SLCO2A1: variants seen among roughly 807,000 people sequenced by gnomAD.
SLCO2A1 encodes solute carrier organic anion transporter family member 2A1, also known as matrin F/G 1.
A neutral mutation model predicts 71.7 loss-of-function variants in SLCO2A1; 60 were observed. The ratio of observed to expected loss-of-function variants is 0.84; its 90% CI spans 0.68 to 1.04. The LOEUF (loss-of-function observed/expected upper bound fraction) is 1.04, where lower values mean the gene tolerates loss of function less well. SLCO2A1 is among the 50% of genes least tolerant of loss of function. SLCO2A1 has a pLI of 0.00. For synonymous variants in SLCO2A1, 308 were observed against 326.7 expected (o/e 0.94, Z 0.62); for missense variants, 745 against 813.4 (o/e 0.92, Z 1.02).
chr3:133,934,705 G>C lies in SLCO2A1; in HGVS notation c.*8C>G. On this transcript the variant is annotated 3_prime_UTR_variant, in exon 14 of 14. Transcript: ENST00000310926. ...CTCTCTGGAGCAGGGCAGTGGCCCA[G>C]GGTGGGGTCAGATGAGGCCTGCCGC... The C allele has an allele frequency of 6.2e-7, 1 of 1,603,966 alleles. No individual in the cohort carries two copies. Among genetic ancestry groups the C allele is most frequent in the Middle Eastern group, 1.7e-4 (1 of 5,992 alleles).
chr3:134,018,595 T>A (rs1191268679), intron 1 of SLCO2A1, among the ~76,000 whole-genome samples: 1 of 152,168 alleles, frequency 6.6e-6, no homozygotes, highest in Non-Finnish European at 1.5e-5. Flanking sequence ...TATACATTAC[T>A]TCACTACTGG....
At chr3:133,956,327 A>C (rs989806755) in intron 3 of SLCO2A1, among the ~76,000 whole-genome samples, 1 of 151,848 alleles carries the variant, frequency 6.6e-6, no homozygotes, top group Non-Finnish European at 1.5e-5. Context: ...GGCTGGGGAG[A>C]GGGGTCTGTG....
chr3:133,935,446 A>G (rs1476594779), intron 13 of SLCO2A1, among the ~76,000 whole-genome samples: 2 of 152,144 alleles, frequency 1.3e-5, no homozygotes, highest in African/African-American at 4.8e-5. Context: ...TTCCACAGCC[A>G]TGGCCTCTTC....
In SLCO2A1 at chr3:133,984,858, T is replaced by C. The variant is rs145600957; in HGVS notation, c.97-5240A>G. On this transcript the variant is annotated intron_variant, in intron 1 of 13. Transcript: ENST00000310926. ...GTTCAGGTCTTGACTTTGTAAGCCA[T>C]GGTGTGACCTTTGGCTACCAACTGG... Among the ~76,000 whole-genome samples the C allele has an allele frequency of 2.0e-3, 298 of 152,346 alleles. 4 individuals carry two copies. Among genetic ancestry groups the C allele is most frequent in the African/African-American group, 6.7e-3 (279 of 41,560 alleles).
chr3:134,021,025 C>A (rs150505838), intron 1 of SLCO2A1, among the ~76,000 whole-genome samples: 1 of 152,206 alleles, frequency 6.6e-6, no homozygotes, highest in East Asian at 1.9e-4. Context: ...ATGCCTGTAC[C>A]GGCACTTTGG....
At chr3:134,029,598 G>T in intron 1 of SLCO2A1, 109 bp downstream of exon 1, 1 of 803,850 alleles carries the variant, frequency 1.2e-6, no homozygotes, top group South Asian at 1.7e-5. Flanking sequence ...GCACAGGAGG[G>T]AGCCCGGGGC....
At chr3:133,939,273 G>C (rs956384231) in intron 11 of SLCO2A1, among the ~76,000 whole-genome samples, 2 of 152,188 alleles carry the variant, frequency 1.3e-5, no homozygotes, top group African/African-American at 4.8e-5. Flanking sequence ...GAGAGAGCAG[G>C]GGACGGCCCT....
intron 12 of SLCO2A1, among the ~76,000 whole-genome samples, chr3:133,936,999 T>C (rs898958888): frequency 2.6e-5 from 4 of 152,156 alleles, no homozygotes; most frequent in South Asian, 4.2e-4. Flanking sequence ...GGGTGATAAA[T>C]GGAACCCCTC....
intron 6 of SLCO2A1, among the ~76,000 whole-genome samples, chr3:133,950,744 G>A (rs1933723761): frequency 6.6e-6 from 1 of 152,148 alleles, no homozygotes; most frequent in Admixed American, 6.5e-5. Context: ...GAAGATGCTT[G>A]GAAGGTCCTC....
Position 134,020,694 on chromosome 3 carries a change from G to A in SLCO2A1, c.96+9013C>T, listed in dbSNP as rs565128712. Among the ~76,000 whole-genome samples the A allele has an allele frequency of 1.6e-4, 24 of 150,746 alleles. 2 individuals carry two copies. The highest frequency in any genetic ancestry group is 5.6e-4 in the African/African-American group (23 of 40,920). On this transcript the variant is annotated intron_variant, in intron 1 of 13. Transcript: ENST00000310926. ...TATCGGCACTTTGGTTTTGGTTTTGGTTTTGACTTGGTTTGAATTGCTTGA... is the reference window on the plus strand; with the variant it reads ...TATCGGCACTTTGGTTTTGGTTTTGATTTTGACTTGGTTTGAATTGCTTGA...
chr3:133,956,426 G>A (rs564238527), intron 3 of SLCO2A1, among the ~76,000 whole-genome samples: 1 of 152,324 alleles, frequency 6.6e-6, no homozygotes, highest in Non-Finnish European at 1.5e-5. Context: ...TGGTGTCTAT[G>A]CAGGACACAT....
intron 5 of SLCO2A1, among the ~76,000 whole-genome samples, chr3:133,952,367 G>C (rs148913126): frequency 6.6e-6 from 1 of 152,216 alleles, no homozygotes; most frequent in Non-Finnish European, 1.5e-5. Flanking sequence ...CCAGATATCT[G>C]TGACGTGACT....
chr3:133,947,858 G>A (rs532162493), intron 8 of SLCO2A1, among the ~76,000 whole-genome samples: 5 of 152,270 alleles, frequency 3.3e-5, no homozygotes, highest in East Asian at 1.9e-4. Flanking sequence ...GCCAGGGGGT[G>A]CACGGGAGTC....
chr3:133,997,371 C>A (rs959971497), intron 1 of SLCO2A1, among the ~76,000 whole-genome samples: 3 of 152,304 alleles, frequency 2.0e-5, no homozygotes, highest in African/African-American at 7.2e-5. Context: ...TGCTCATGAC[C>A]GTGACATTAT....
At chr3:134,005,504 C>T (rs1192869618) in intron 1 of SLCO2A1, among the ~76,000 whole-genome samples, 6 of 101,124 alleles carry the variant, frequency 5.9e-5, no homozygotes, top group East Asian at 2.8e-4. Context: ...TTTTTTTAGA[C>T]GGAGTCTTGC....
chr3:134,020,821 G>A (rs1458528623), intron 1 of SLCO2A1, among the ~76,000 whole-genome samples: 1 of 149,964 alleles, frequency 6.7e-6, no homozygotes, highest in Non-Finnish European at 1.5e-5. Context: ...TTTTGACTTG[G>A]TTTGAATTGC....
At chr3:133,940,719 G>A (rs1436681180) in intron 11 of SLCO2A1, among the ~76,000 whole-genome samples, 1 of 152,192 alleles carries the variant, frequency 6.6e-6, no homozygotes, top group Non-Finnish European at 1.5e-5. Context: ...ATGGGGAGCG[G>A]TAGAGAAGGG....
intron 1 of SLCO2A1, among the ~76,000 whole-genome samples, chr3:133,998,270 T>C (rs1190686921): frequency 6.6e-6 from 1 of 152,230 alleles, no homozygotes; most frequent in Non-Finnish European, 1.5e-5. Flanking sequence ...AAGCAGTCAC[T>C]TTATTTTTAA....
chr3:133,938,618 G>A, intron 11 of SLCO2A1, 125 bp from the exon 12 acceptor site: 2 of 825,928 alleles, frequency 2.4e-6, no homozygotes, highest in Non-Finnish European at 4.2e-6. Context: ...GCCCTCTGGT[G>A]ACCGGGTTCA....
Sources: gnomAD v4.1 joint callset for allele counts (sites outside exome capture counted in the v4.1 genomes callset) on GRCh38, gnomAD v4.1.1 for gene constraint, MANE v1.5 for transcripts, NCBI Gene and HGNC (gene_info 2026-07-23, HGNC 2026-07-21) for gene names.